Variants in SOX5 observed in about 807,000 individuals in gnomAD.
The protein encoded by SOX5 is SRY-box transcription factor 5.
SOX5 carries 9 observed loss-of-function variants against 92.0 expected under a neutral mutation model. The ratio of observed to expected loss-of-function variants is 0.10; its 90% CI spans 0.06 to 0.17. The LOEUF (loss-of-function observed/expected upper bound fraction) is 0.17. Among genes scored for constraint, SOX5 ranks in the 10% least tolerant of loss-of-function variants. The pLI, the probability that SOX5 is intolerant of heterozygous loss-of-function variation, is 1.00. For missense variants in SOX5, 642 were observed against 944.5 expected, an observed-to-expected ratio of 0.68 and a Z score of 4.20; for synonymous variants, 344 against 336.3, an observed-to-expected ratio of 1.02 and a Z score of -0.25.
intron 1 of SOX5, among the ~76,000 whole-genome samples, chr12:24,550,026 A>G (rs1165162716): frequency 6.6e-6 from 1 of 152,240 alleles, no homozygotes; most frequent in African/African-American, 2.4e-5. Flanking sequence ...ACAATGAGCA[A>G]GAGCTCAGAC....
At chr12:23,808,612 GAT>G (rs2095822780) in intron 3 of SOX5, among the ~76,000 whole-genome samples, 2 of 151,900 alleles carry the variant, frequency 1.3e-5, no homozygotes, top group Non-Finnish European at 2.9e-5. Context: ...TAAAAAATAA[GAT>G]AATTTTATCA....
chr12:24,520,040 G>GA lies in SOX5; in HGVS notation c.-251+42288dup, dbSNP rs1044418599. On this transcript the variant is annotated intron_variant, in intron 1 of 4. Coordinates refer to the SOX5 transcript ENST00000446891. ...GAAACAATATATTCAAGTACTAAAAGAAAAAAAAAAACCTGCCAATCAAGA... is the reference window on the plus strand; with the variant it reads ...GAAACAATATATTCAAGTACTAAAAGAAAAAAAAAAAACCTGCCAATCAAGA... 4.4e-3 allele frequency among the ~76,000 whole-genome samples: 623 copies of GA among 141,978 alleles called. 2 individuals carry two copies. The highest frequency in any genetic ancestry group is 0.012 in the African/African-American group (472 of 38,950). The allele number at this position is 141,978 out of a possible 152,430, so 93.1% of individuals were successfully genotyped here.
chr12:24,413,159 C>A (rs186185442), intron 1 of SOX5, among the ~76,000 whole-genome samples: 5 of 152,126 alleles, frequency 3.3e-5, no homozygotes, highest in Non-Finnish European at 7.4e-5. Context: ...TTCAAATCTT[C>A]GAATAACATT....
chr12:24,222,746 A>G (rs141364311), intron 3 of SOX5, among the ~76,000 whole-genome samples: 1 of 152,346 alleles, frequency 6.6e-6, no homozygotes, highest in East Asian at 1.9e-4. Flanking sequence ...GTTGTAATAT[A>G]TTAGCTCTTC....
intron 4 of SOX5, among the ~76,000 whole-genome samples, chr12:24,077,871 A>G (rs1223722958): frequency 2.0e-5 from 3 of 148,740 alleles, no homozygotes; most frequent in Non-Finnish European, 4.5e-5. Context: ...TTAACAACAC[A>G]CCCATAGCAA....
chr12:24,090,635 T>A (rs1356872227), intron 4 of SOX5, among the ~76,000 whole-genome samples: 1 of 152,148 alleles, frequency 6.6e-6, no homozygotes, highest in Non-Finnish European at 1.5e-5. Flanking sequence ...AATATAGACA[T>A]ATTTTACTAT....
intron 4 of SOX5, among the ~76,000 whole-genome samples, chr12:24,151,706 A>G (rs954658436): frequency 6.6e-6 from 1 of 152,070 alleles, no homozygotes; most frequent in Non-Finnish European, 1.5e-5. Flanking sequence ...AACACAATAT[A>G]CTCTGCAGTT....
intron 4 of SOX5, among the ~76,000 whole-genome samples, chr12:23,980,911 T>C (rs963246963): frequency 6.6e-6 from 1 of 152,192 alleles, no homozygotes; most frequent in Non-Finnish European, 1.5e-5. Context: ...GCATGTAATA[T>C]AGAAGATCTG....
At chr12:24,253,987 A>C (rs1201720322) in intron 3 of SOX5, among the ~76,000 whole-genome samples, 3 of 152,158 alleles carry the variant, frequency 2.0e-5, no homozygotes, top group African/African-American at 7.2e-5. Flanking sequence ...CTGTTTTGGA[A>C]AGAATTGAGT....
chr12:23,796,254 T>C (rs1289932737), intron 3 of SOX5, among the ~76,000 whole-genome samples: 3 of 152,070 alleles, frequency 2.0e-5, no homozygotes, highest in Non-Finnish European at 4.4e-5. Flanking sequence ...CAATGTAACA[T>C]TGAACAAAGC....
chr12:24,504,022 C>T (rs796421518), intron 1 of SOX5, among the ~76,000 whole-genome samples: 3 of 152,156 alleles, frequency 2.0e-5, no homozygotes, highest in African/African-American at 7.2e-5. Context: ...AATTCGAACT[C>T]TCTTCCAATC....
intron 1 of SOX5, among the ~76,000 whole-genome samples, chr12:23,928,799 A>G (rs115268337): frequency 0.013 from 1,901 of 151,906 alleles, 40 homozygotes; most frequent in African/African-American, 0.042. Flanking sequence ...TGGCTAATAA[A>G]AGTAGCAGGC....
intron 2 of SOX5, among the ~76,000 whole-genome samples, chr12:23,853,025 TTGAGAAGAG>T (rs1471400879): frequency 6.6e-6 from 1 of 150,946 alleles, no homozygotes; most frequent in Non-Finnish European, 1.5e-5. Flanking sequence ...GGACAAGAAT[TTGAGAAGAG>T]TGAGAAAAGG....
intron 1 of SOX5, among the ~76,000 whole-genome samples, chr12:24,517,719 T>C (rs1372940161): frequency 7.0e-6 from 1 of 142,968 alleles, no homozygotes; most frequent in South Asian, 2.2e-4. Context: ...TTTTTTTTTT[T>C]AACAATCCTC....
chr12:24,501,072 T>A (rs916674439), intron 1 of SOX5, among the ~76,000 whole-genome samples: 19 of 152,150 alleles, frequency 1.2e-4, no homozygotes, highest in Non-Finnish European at 2.4e-4. Context: ...ATTGATAAAG[T>A]TTCATTACAA....
At chr12:23,693,620 G>T (rs749167247) in intron 6 of SOX5, among the ~76,000 whole-genome samples, 1 of 151,892 alleles carries the variant, frequency 6.6e-6, no homozygotes, top group South Asian at 2.1e-4. Context: ...GCTGTGTTTT[G>T]TTTTCTCTCC....
At chr12:24,329,946 C>T (rs1274299728) in intron 2 of SOX5, among the ~76,000 whole-genome samples, 1 of 152,152 alleles carries the variant, frequency 6.6e-6, no homozygotes, top group Non-Finnish European at 1.5e-5. Context: ...TCACTTGAAC[C>T]CGGGAGGCGG....
chr12:23,614,300 ACAG>A, intron 8 of SOX5, among the ~76,000 whole-genome samples: 1 of 152,222 alleles, frequency 6.6e-6, no homozygotes, highest in Non-Finnish European at 1.5e-5. Flanking sequence ...TTTTCTGTAC[ACAG>A]CAGAAGACCC....
intron 10 of SOX5, among the ~76,000 whole-genome samples, chr12:23,569,615 C>T (rs921011262): frequency 6.6e-6 from 1 of 152,188 alleles, no homozygotes; most frequent in Non-Finnish European, 1.5e-5. Context: ...TCTCATGTGT[C>T]CTGCGTTTAA....
Sources: allele counts gnomAD v4.1 joint callset (sites outside exome capture counted in the v4.1 genomes callset), GRCh38; gene constraint gnomAD v4.1.1; transcripts MANE v1.5; gene names NCBI Gene and HGNC (gene_info 2026-07-23, HGNC 2026-07-21).